Variants in FAAH observed in about 807,000 individuals in gnomAD.
FAAH encodes the protein fatty-acid amide hydrolase 1.
In FAAH, 63 loss-of-function variants were observed where a neutral mutation model predicts 69.7. That is an observed-to-expected ratio of 0.90 (90% CI 0.74 to 1.12). The LOEUF (loss-of-function observed/expected upper bound fraction) is 1.12, where lower values mean the gene tolerates loss of function less well. Among genes scored for constraint, FAAH ranks in the 50% most tolerant of loss-of-function variants. The pLI, the probability that FAAH is intolerant of heterozygous loss-of-function variation, is 0.00. For missense variants in FAAH, 680 were observed against 755.0 expected (o/e 0.90, Z 1.16); for synonymous variants, 305 against 324.2 (o/e 0.94, Z 0.64).
Position 46,411,651 on chromosome 1 carries a change from G to A in FAAH, c.1356G>A (p.Glu452=). ...GKLWELQHEI[E]VYRKTVIAQW... ...TCTGGGAACTGCAGCACGAGATCGA[G>A]GTGAGGCCAGAGCCTCTGGATTGGA... The change falls in exon 12 of 15, where the codon GAG becomes GAA. Residue 452 remains glutamate, a splice_region_variant and synonymous_variant. Transcript: ENST00000243167. This position sits in a 1 kb window ranked among gnomAD's most constrained non-coding sequence, Gnocchi z 4.8. 6.2e-7 allele frequency: 1 copy of A among 1,614,082 alleles called. No homozygotes were observed. The highest frequency in any genetic ancestry group is 8.5e-7 in the Non-Finnish European group (1 of 1,179,982).
intron 1 of FAAH, among the ~76,000 whole-genome samples, chr1:46,400,513 T>A (rs1289164566): frequency 6.6e-6 from 1 of 151,794 alleles, no homozygotes; most frequent in Non-Finnish European, 1.5e-5. Flanking sequence ...GCTTGGTGAC[T>A]GGATGCAGGT....
rs1664947454 is a variant in FAAH at position 46,413,171 on chromosome 1, A to G, written c.1562A>G (p.Glu521Gly). 1 of 1,614,004 alleles carries G rather than the reference A, an allele frequency of 6.2e-7. No individual in the cohort carries two copies. Among genetic ancestry groups the G allele is most frequent in the African/African-American group, 1.3e-5 (1 of 74,882 alleles). The change falls in exon 14 of 15, where the codon GAA (glutamate) becomes GGA (glycine). Residue 521 changes from glutamate to glycine, a missense_variant. Glu to Gly is a moderately conservative substitution (Grantham distance 98). Transcript: ENST00000243167. The stretch of plus-strand genomic sequence containing the variant: ...ACTGCTGAGGACGAGGCCCAGATGG[A>G]ACATTACAGGGGCTACTTTGGGGAT... ...TVTAEDEAQM[E>G]HYRGYFGDIW...
At chr1:46,397,225 T>G (rs942702533) in intron 1 of FAAH, among the ~76,000 whole-genome samples, 6 of 152,266 alleles carry the variant, frequency 3.9e-5, no homozygotes, top group African/African-American at 1.4e-4. Context: ...TCACAGCTCT[T>G]GCCTGCAGAA....
chr1:46,394,610 G>C (rs1180964921), intron 1 of FAAH, 67 bp downstream of exon 1: 2 of 1,248,582 alleles, frequency 1.6e-6, no homozygotes, highest in South Asian at 2.8e-5. Flanking sequence ...TTCAGCCGCC[G>C]GACCCGCCGA....
At chr1:46,399,794 C>T (rs1181764123) in intron 1 of FAAH, among the ~76,000 whole-genome samples, 1 of 151,928 alleles carries the variant, frequency 6.6e-6, no homozygotes, top group Non-Finnish European at 1.5e-5. Context: ...AGTATGATTC[C>T]TTTGTGCAAA....
chr1:46,412,341 G>A (rs965428014), intron 13 of FAAH, 90 bp downstream of exon 13: 38 of 1,139,416 alleles, frequency 3.3e-5, no homozygotes, highest in Non-Finnish European at 4.3e-5. Flanking sequence ...CCCTCTGGGA[G>A]GACCCTGCCC....
chr1:46,410,972 C>T lies in FAAH; in HGVS notation c.1316+118C>T. 1 of 1,313,530 alleles carries T rather than the reference C, an allele frequency of 7.6e-7. No individual in the cohort carries two copies. The highest frequency in any genetic ancestry group is 1.8e-5 in the Admixed American group (1 of 55,024). 81.4% of individuals were successfully genotyped at this position (1,313,530 alleles called of 1,614,324 possible). A position where few individuals can be genotyped will look rare whatever the true frequency, so the allele number is the denominator to read the frequency against. ...AGTAGCCTCTGAGGCTGGAAGTGGCCCAGGCAGGGGGGCAACCTTTGTGGC... is the reference window on the plus strand; with the variant it reads ...AGTAGCCTCTGAGGCTGGAAGTGGCTCAGGCAGGGGGGCAACCTTTGTGGC... On this transcript the variant is annotated intron_variant, in intron 11 of 14. Transcript: ENST00000243167. The surrounding 1 kb of genome is among the most constrained non-coding windows in gnomAD (Gnocchi z 4.9).
Position 46,411,748 on chromosome 1 carries a change from G to C in FAAH, c.1356+97G>C. The stretch of plus-strand genomic sequence containing the variant: ...AGTGTCTCGTGGCCACTGCCCCCAT[G>C]GGGCTCCTAGACTGGCCTGTCATCC... On this transcript the variant is annotated intron_variant, in intron 12 of 14. Transcript: ENST00000243167. The surrounding 1 kb of genome is among the most constrained non-coding windows in gnomAD (Gnocchi z 4.8). 3.6e-6 allele frequency: 5 copies of C among 1,381,340 alleles called. No homozygotes were observed. In the South Asian group the frequency reaches 6.1e-5, roughly 17 times the overall value. 85.6% of individuals were successfully genotyped at this position (1,381,340 alleles called of 1,614,324 possible).
intron 1 of FAAH, among the ~76,000 whole-genome samples, chr1:46,397,027 G>A (rs1020624314): frequency 6.6e-6 from 1 of 152,200 alleles, no homozygotes; most frequent in African/African-American, 2.4e-5. Flanking sequence ...GAGTGAGAGG[G>A]CCCTGGTGGT....
At chr1:46,400,934 A>G (rs1569809493) in intron 1 of FAAH, among the ~76,000 whole-genome samples, 1 of 6,962 alleles carries the variant, frequency 1.4e-4, no homozygotes, top group East Asian at 5.6e-3. Flanking sequence ...AAGGGAAGGG[A>G]AGGGTAGAGG....
At chr1:46,407,936 G>A (rs1425387782) in intron 7 of FAAH, among the ~76,000 whole-genome samples, 1 of 152,176 alleles carries the variant, frequency 6.6e-6, no homozygotes, top group Admixed American at 6.5e-5. Context: ...GTGTTTCTTG[G>A]GAGTGGGGCA....
rs1214518227 is a variant in FAAH at position 46,413,501 on chromosome 1, T to C, written c.1666T>C (p.Trp556Arg). The change falls in exon 15 of 15, where the codon TGG becomes CGG. Residue 556 changes from tryptophan to arginine, a missense_variant. By Grantham distance (101) the Trp-to-Arg change is moderately radical. Transcript: ENST00000243167. ...GGCCGTGCAGTGTGTGGCTCTGCCC[T>C]GGCAAGAAGAGTTGTGTCTGCGGTT... ...PVAVQCVALP[W>R]QEELCLRFMR... The C allele has an allele frequency of 6.2e-7, 1 of 1,614,088 alleles. No homozygotes were observed. Among genetic ancestry groups the C allele is most frequent in the Non-Finnish European group, 8.5e-7 (1 of 1,179,992 alleles).
At chr1:46,400,565 C>T (rs1479539574) in intron 1 of FAAH, among the ~76,000 whole-genome samples, 2 of 151,504 alleles carry the variant, frequency 1.3e-5, no homozygotes, top group Non-Finnish European at 2.9e-5. Context: ...TGTTTCATTT[C>T]CTGAACACCT....
intron 14 of FAAH, 109 bp from the exon 15 acceptor site, chr1:46,413,338 C>T: frequency 1.2e-6 from 2 of 1,609,222 alleles, no homozygotes; most frequent in Non-Finnish European, 1.7e-6. Flanking sequence ...ACCTGAAGGA[C>T]TATGGCCTGG....
intron 1 of FAAH, 145 bp downstream of exon 1, chr1:46,394,688 T>A: frequency 1.4e-6 from 1 of 737,006 alleles, no homozygotes; most frequent in Non-Finnish European, 1.9e-6. Context: ...CCTAAGATAT[T>A]CCGCACTTTC....
chr1:46,401,498 C>T (rs1664703370), intron 1 of FAAH, among the ~76,000 whole-genome samples: 1 of 152,044 alleles, frequency 6.6e-6, no homozygotes, highest in African/African-American at 2.4e-5. Flanking sequence ...AAGATGGGGT[C>T]TTCTTGTTTT....
rs1056585452 is a variant in FAAH at position 46,410,612 on chromosome 1, CCTCTT to C, written c.1275+120_1275+124del. 2.7e-6 allele frequency: 3 copies of C among 1,102,366 alleles called. No individual in the cohort carries two copies. The highest frequency in any genetic ancestry group is 3.1e-5 in the African/African-American group (2 of 65,166). The allele number at this position is 1,102,366 out of a possible 1,614,324, so 68.3% of individuals were successfully genotyped here. On this transcript the variant is annotated intron_variant, in intron 10 of 14. Transcript: ENST00000243167. The surrounding 1 kb of genome is among the most constrained non-coding windows in gnomAD (Gnocchi z 4.9). ...CTCTTGGTTTGGGCAGGCATGGCCT[CCTCTT>C]CTCTCCAGTCCCCACCCAGACTGCT...
Position 46,405,427 on chromosome 1 carries a change from A to C in FAAH, c.500A>C (p.Asp167Ala). The change falls in exon 4 of 15, where the codon GAC becomes GCC. Residue 167 changes from aspartate to alanine, a missense_variant. Transcript: ENST00000243167. This position sits in a 1 kb window ranked among gnomAD's most constrained non-coding sequence, Gnocchi z 4.1. ...AATGAAGGGGTGCCGGCGGAGTGCG[A>C]CAGCGTAGTGGTGCATGTGCTGAAG... ...SLNEGVPAEC[D>A]SVVVHVLKLQ... The C allele has an allele frequency of 1.2e-6, 2 of 1,612,164 alleles. No individual in the cohort carries two copies. Among genetic ancestry groups the C allele is most frequent in the Non-Finnish European group, 1.7e-6 (2 of 1,179,560 alleles).
chr1:46,412,249 C>T lies in FAAH; in HGVS notation c.1463C>T (p.Thr488Ile), dbSNP rs1040112303. The part of the protein sequence containing the change: ...ALDLNAPGRA[T>I]GAVSYTMLYN... Reference sequence around the variant, plus strand: ...GACTTGAATGCCCCAGGCAGGGCCACAGGTGAGGCCCGACACCCTGCCTGT... The same window carrying T: ...GACTTGAATGCCCCAGGCAGGGCCATAGGTGAGGCCCGACACCCTGCCTGT... The change falls in exon 13 of 15, where the codon ACA becomes ATA. Residue 488 changes from threonine (T) to isoleucine (I), a missense_variant and splice_region_variant. Thr to Ile is a moderately conservative substitution (Grantham distance 89). Transcript: ENST00000243167. 6.4e-6 allele frequency: 10 copies of T among 1,551,092 alleles called. No homozygotes were observed. The highest frequency in any genetic ancestry group is 8.7e-6 in the Non-Finnish European group (10 of 1,146,348).
Sources: gnomAD v4.1 joint callset for allele counts (sites outside exome capture counted in the v4.1 genomes callset) on GRCh38, gnomAD v4.1.1 for gene constraint, Gnocchi (gnomAD v3.1) non-coding constraint, MANE v1.5 for transcripts, NCBI Gene and HGNC (gene_info 2026-07-23, HGNC 2026-07-21) for gene names.